SP100: variants seen among roughly 807,000 people sequenced by gnomAD.
SP100 encodes nuclear autoantigen Sp-100.
In SP100, 84 loss-of-function variants were observed where a neutral mutation model predicts 130.0. The ratio of observed to expected loss-of-function variants is 0.65; its 90% CI spans 0.54 to 0.77. SP100 has a LOEUF of 0.77. Among genes scored for constraint, SP100 ranks in the 30% least tolerant of loss-of-function variants. The pLI is 0.00. For synonymous variants in SP100, 331 were observed against 351.7 expected (o/e 0.94, Z 0.66); for missense variants, 978 against 1,052.2 (o/e 0.93, Z 0.97).
chr2:230,497,509 GA>G (rs2066743714), intron 18 of SP100, among the ~76,000 whole-genome samples: 1 of 23,136 alleles, frequency 4.3e-5, no homozygotes, highest in Non-Finnish European at 1.0e-4. Flanking sequence ...GAGGAGAGGA[GA>G]GGAGAGGAGA....
chr2:230,421,976 T>A (rs976039966), intron 2 of SP100, among the ~76,000 whole-genome samples: 2 of 152,112 alleles, frequency 1.3e-5, no homozygotes, highest in Admixed American at 1.3e-4. Flanking sequence ...GAATTCCTGT[T>A]AGTTGGATGT....
At chr2:230,429,641 T>G (rs2063041305) in intron 2 of SP100, among the ~76,000 whole-genome samples, 1 of 152,090 alleles carries the variant, frequency 6.6e-6, no homozygotes, top group South Asian at 2.1e-4. Context: ...TTTTTTTAAT[T>G]CATTTTTATT....
At chr2:230,426,823 C>T (rs2062946940) in intron 2 of SP100, among the ~76,000 whole-genome samples, 1 of 152,146 alleles carries the variant, frequency 6.6e-6, no homozygotes, top group South Asian at 2.1e-4. Flanking sequence ...TCTGATTGAT[C>T]TATGATTATT....
chr2:230,506,023 C>G (rs780133832), intron 21 of SP100, among the ~76,000 whole-genome samples: 9 of 152,224 alleles, frequency 5.9e-5, no homozygotes, highest in Non-Finnish European at 1.2e-4. Context: ...CACCCACCCC[C>G]ACCTTTGGAA....
intron 4 of SP100, among the ~76,000 whole-genome samples, chr2:230,446,021 A>G (rs2063697245): frequency 6.6e-6 from 1 of 152,108 alleles, no homozygotes; most frequent in Admixed American, 6.5e-5. Context: ...TTATTTGAGA[A>G]CTGTTCATCC....
Position 230,542,046 on chromosome 2 carries a change from C to G in SP100, c.2547+11C>G, listed in dbSNP as rs115340060. 1.3e-3 allele frequency: 2,036 copies of G among 1,613,354 alleles called. 18 individuals are homozygous for G. In the African/African-American group the frequency reaches 0.024, roughly 19 times the overall value. ...AAGGAATTTTACAGGGTGAGTGGCT[C>G]TCCCTGCTTCCTTTTCTCTTTCAAT... On this transcript the variant is annotated intron_variant, in intron 28 of 28. Coordinates refer to ENST00000340126, the MANE Select transcript of SP100 (RefSeq NM_001080391.2).
At chr2:230,515,210 T>C in intron 24 of SP100, 2 of 1,613,538 alleles carry the variant, frequency 1.2e-6, no homozygotes, top group Non-Finnish European at 1.7e-6. Context: ...TTTGAAGATA[T>C]GGCAAAGGCG....
intron 24 of SP100, among the ~76,000 whole-genome samples, chr2:230,519,490 T>C (rs1310420471): frequency 6.6e-6 from 1 of 152,142 alleles, no homozygotes; most frequent in African/African-American, 2.4e-5. Context: ...GAGAAGGAAA[T>C]GTGTGTATTG....
chr2:230,472,217 A>G (rs1214670585), intron 15 of SP100, among the ~76,000 whole-genome samples: 1 of 152,068 alleles, frequency 6.6e-6, no homozygotes, highest in Non-Finnish European at 1.5e-5. Flanking sequence ...TCACGAGGTC[A>G]GGAGATCAAG....
Position 230,507,949 on chromosome 2 carries a change from A to G in SP100, c.2014-44A>G, listed in dbSNP as rs750602742. On this transcript the variant is annotated intron_variant, in intron 22 of 28. Transcript: ENST00000340126. Reference sequence around the variant, plus strand: ...GTCAGAAATACTAAGCTCACAAAATAAAAGCAAGAACCCATCAAATCATTT... The same window carrying G: ...GTCAGAAATACTAAGCTCACAAAATGAAAGCAAGAACCCATCAAATCATTT... 3 of 1,585,692 alleles carry G rather than the reference A, an allele frequency of 1.9e-6. No individual in the cohort carries two copies. The South Asian group carries it at 3.4e-5, about 18-fold the overall frequency.
intron 24 of SP100, among the ~76,000 whole-genome samples, chr2:230,516,973 A>G (rs1049985134): frequency 3.3e-5 from 5 of 152,204 alleles, no homozygotes; most frequent in Non-Finnish European, 7.3e-5. Context: ...ACTTTAGAAA[A>G]GACTTAATCA....
At chr2:230,458,642 G>A (rs900069895) in intron 8 of SP100, among the ~76,000 whole-genome samples, 2 of 152,188 alleles carry the variant, frequency 1.3e-5, no homozygotes, top group Non-Finnish European at 2.9e-5. Flanking sequence ...GCATGATGCT[G>A]CTTGTCAGAT....
At chr2:230,483,758 T>C (rs191054998) in intron 17 of SP100, among the ~76,000 whole-genome samples, 19 of 152,286 alleles carry the variant, frequency 1.2e-4, no homozygotes, top group Admixed American at 5.9e-4. Flanking sequence ...ACATATACAG[T>C]CAATTCTCAT....
intron 2 of SP100, among the ~76,000 whole-genome samples, chr2:230,426,717 A>G (rs2062943649): frequency 6.6e-6 from 1 of 152,154 alleles, no homozygotes; most frequent in Admixed American, 6.5e-5. Context: ...TAGAATGTGT[A>G]TTCTGCTGCT....
chr2:230,482,031 T>G (rs1348506622), intron 17 of SP100, among the ~76,000 whole-genome samples: 1 of 152,228 alleles, frequency 6.6e-6, no homozygotes, highest in Non-Finnish European at 1.5e-5. Flanking sequence ...TATGTATACA[T>G]GTGCCATGCT....
In SP100 at chr2:230,513,034, GC is replaced by G. The variant is rs1205587627; in HGVS notation, c.2094+1869del. On this transcript the variant is annotated intron_variant, in intron 24 of 28. Coordinates refer to ENST00000340126, the MANE Select transcript of SP100 (RefSeq NM_001080391.2). ...GCAGCAATGCCAGCAATGGGGAGCTGCTGTAAATACAGATGAAGTTTCACTC... is the reference window on the plus strand; with the variant it reads ...GCAGCAATGCCAGCAATGGGGAGCTGTGTAAATACAGATGAAGTTTCACTC... Among the ~76,000 whole-genome samples the G allele has an allele frequency of 2.0e-5, 3 of 152,324 alleles. No individual in the cohort carries two copies. In the East Asian group the frequency reaches 5.8e-4, roughly 29 times the overall value.
At position 230,474,426 on chromosome 2, in the gene SP100, GA is replaced by G; in HGVS notation, c.1584del (p.Lys528AsnfsTer16). The G allele has an allele frequency of 1.3e-6, 2 of 1,523,772 alleles. No individual in the cohort carries two copies. Among genetic ancestry groups the G allele is most frequent in the South Asian group, 1.2e-5 (1 of 86,228 alleles). The allele number at this position is 1,523,772 out of a possible 1,614,324, so 94.4% of individuals were successfully genotyped here. A position where few individuals can be genotyped will look rare whatever the true frequency, so the allele number is the denominator to read the frequency against. On this transcript the variant is annotated frameshift_variant, in exon 17 of 29. Coordinates refer to ENST00000340126, the MANE Select transcript of SP100 (RefSeq NM_001080391.2). LOFTEE classifies it high-confidence loss of function. ...GGATGTTGAAAACAATTCTACTTTG[GA>G]AAAACACAGTGGGAAAAGAAGTAAG... ...TMDVENNSTLEKHSGKRRKKR... is the reference protein window; with the variant it reads ...TMDVENNSTLXKHSGKRRKKR...
chr2:230,492,651 A>G (rs961088077), intron 17 of SP100, among the ~76,000 whole-genome samples: 1 of 152,146 alleles, frequency 6.6e-6, no homozygotes, highest in Non-Finnish European at 1.5e-5. Context: ...TTGTCAGAGC[A>G]TATGCATTTC....
At chr2:230,449,042 T>C in intron 5 of SP100, 46 bp from the exon 6 acceptor site, 2 of 1,250,890 alleles carry the variant, frequency 1.6e-6, no homozygotes, top group Non-Finnish European at 2.4e-6. Flanking sequence ...AATGGCAAAA[T>C]CCATACCTCG....
Sources: gnomAD v4.1 joint callset for allele counts (sites outside exome capture counted in the v4.1 genomes callset) on GRCh38, gnomAD v4.1.1 for gene constraint, MANE v1.5 for transcripts, NCBI Gene and HGNC (gene_info 2026-07-23, HGNC 2026-07-21) for gene names.